Variants in DFFA observed in about 807,000 individuals in gnomAD.
The protein encoded by DFFA is DNA fragmentation factor subunit alpha.
A neutral mutation model predicts 28.0 loss-of-function variants in DFFA; 14 were observed. The ratio of observed to expected loss-of-function variants is 0.50; its 90% CI spans 0.33 to 0.78. DFFA has a LOEUF of 0.78. Ranked by LOEUF, DFFA falls within the 30% of genes least tolerant of loss-of-function variation. The probability of loss-of-function intolerance (pLI) is 0.02; values close to 1 mark genes in which losing one functional copy is unlikely to be tolerated. For synonymous variants in DFFA, 158 were observed against 170.3 expected, an observed-to-expected ratio of 0.93 and a Z score of 0.56; for missense variants, 395 against 407.1, an observed-to-expected ratio of 0.97 and a Z score of 0.26.
Position 10,457,365 on chromosome 1 carries a change from T to A in DFFA, c.*4125A>T, listed in dbSNP as rs2781227. On this transcript the variant is annotated 3_prime_UTR_variant, in exon 6 of 6. Coordinates refer to ENST00000377038, the MANE Select transcript of DFFA (RefSeq NM_004401.3). The stretch of plus-strand genomic sequence containing the variant: ...TCTTGCTATGTTCCCCAGGTCGGTC[T>A]GTCGGTCATGTGGTACTTCATTTAG... The A allele has an allele frequency of 0.43, 65,255 of 152,140 alleles. 15,181 individuals carry two copies. Among genetic ancestry groups the A allele is most frequent in the Non-Finnish European group, 0.53 (35,901 of 68,092 alleles). The allele number at this position is 152,140 out of a possible 1,614,324, so 9.4% of individuals were successfully genotyped here. A position where few individuals can be genotyped will look rare whatever the true frequency, so the allele number is the denominator to read the frequency against.
intron 2 of DFFA, 121 bp downstream of exon 2, chr1:10,469,056 T>C (rs749846738): frequency 9.1e-7 from 1 of 1,096,844 alleles, no homozygotes; most frequent in Non-Finnish European, 1.3e-6. Flanking sequence ...AAGTGCTCAG[T>C]AAATATCTGT....
In DFFA at chr1:10,472,219, T is replaced by A; in HGVS notation, c.136+104A>T. 7.2e-7 allele frequency: 1 copy of A among 1,390,428 alleles called. No homozygotes were observed. The highest frequency in any genetic ancestry group is 9.6e-7 in the Non-Finnish European group (1 of 1,042,994). The allele number at this position is 1,390,428 out of a possible 1,614,324, so 86.1% of individuals were successfully genotyped here. A position where few individuals can be genotyped will look rare whatever the true frequency, so the allele number is the denominator to read the frequency against. ...TTCTGTCCCAAGCCTCCACCCGAGA[T>A]ACAAGAATCCCCAAGTCGCCTCTCC... On this transcript the variant is annotated intron_variant, in intron 1 of 5. Transcript: ENST00000377038. The surrounding 1 kb of genome is among the most constrained non-coding windows in gnomAD (Gnocchi z 5.0).
rs1640915564 is a variant in DFFA, at chr1:10,460,618, C to G, written c.*872G>C. ...AATCTCGGCTCACTGCAACTTCTGC[C>G]TCCCCGGTTCAAGCAATTCTCCTGC... is the stretch of plus-strand genomic sequence containing the variant. On this transcript the variant is annotated 3_prime_UTR_variant, in exon 6 of 6. Transcript: ENST00000377038. The G allele has an allele frequency of 6.6e-6, 1 of 151,060 alleles. No homozygotes were observed. The highest frequency in any genetic ancestry group is 6.6e-5 in the Admixed American group (1 of 15,144). The allele number at this position is 151,060 out of a possible 1,614,324, so 9.4% of individuals were successfully genotyped here. A position where few individuals can be genotyped will look rare whatever the true frequency, so the allele number is the denominator to read the frequency against.
In DFFA at chr1:10,472,121, C is replaced by A. The variant is rs746428199; in HGVS notation, c.136+202G>T. 5.3e-5 allele frequency among the ~76,000 whole-genome samples: 8 copies of A among 152,188 alleles called. No individual in the cohort carries two copies. On this transcript the variant is annotated intron_variant, in intron 1 of 5. Transcript: ENST00000377038. The surrounding 1 kb of genome is among the most constrained non-coding windows in gnomAD (Gnocchi z 5.0). The stretch of plus-strand genomic sequence containing the variant: ...TGCTTCCTGGCTGTCTTCCCACCAC[C>A]GTGGAGTCTCACACGAGATTAATTA...
chr1:10,464,194 G>A (rs945285441), intron 3 of DFFA, among the ~76,000 whole-genome samples: 3 of 151,752 alleles, frequency 2.0e-5, no homozygotes, highest in South Asian at 2.1e-4. Flanking sequence ...CTGGGTTCAC[G>A]CCATTCTCCT....
chr1:10,464,155 C>T (rs1409688984), intron 3 of DFFA, among the ~76,000 whole-genome samples: 6 of 148,798 alleles, frequency 4.0e-5, no homozygotes, highest in Admixed American at 4.0e-4. Context: ...TGCAGTGGCA[C>T]GATCTCGGCT....
At position 10,470,602 on chromosome 1, in the gene DFFA, T is replaced by G. The variant is rs185694804; in HGVS notation, c.137-1264A>C. Among the ~76,000 whole-genome samples, 1,499 of 150,590 alleles carry G rather than the reference T, an allele frequency of 1.0e-2. 29 individuals are homozygous for G. The highest frequency in any genetic ancestry group is 0.035 in the African/African-American group (1,430 of 41,238). ...ACCACGCCCGGCTAATTTTTTTGTA[T>G]TTTTAGTAGAGACGGGGTTTCACCG... is the stretch of plus-strand genomic sequence containing the variant. On this transcript the variant is annotated intron_variant, in intron 1 of 5. Coordinates refer to ENST00000377038, the MANE Select transcript of DFFA (RefSeq NM_004401.3).
Position 10,463,051 on chromosome 1 carries a change from C to T in DFFA, c.783+7G>A, listed in dbSNP as rs772455668. ...TCTGTAGCTCAGTGACCCTGGTTTCCGCCCACCTCCAAATCCTGACTAGAT... is the reference window on the plus strand; with the variant it reads ...TCTGTAGCTCAGTGACCCTGGTTTCTGCCCACCTCCAAATCCTGACTAGAT... On this transcript the variant is annotated splice_region_variant and intron_variant, in intron 5 of 5. Coordinates refer to ENST00000377038, the MANE Select transcript of DFFA (RefSeq NM_004401.3). The T allele has an allele frequency of 4.6e-5, 75 of 1,613,944 alleles. No homozygotes were observed. The East Asian group carries it at 5.3e-4, about 12-fold the overall frequency.
At chr1:10,463,332 G>C (rs910772117) in intron 4 of DFFA, 99 bp downstream of exon 4, 68 of 1,544,198 alleles carry the variant, frequency 4.4e-5, no homozygotes, top group Admixed American at 7.2e-5. Context: ...AGCAGCCGCG[G>C]CTTCAGTGGC....
In DFFA at chr1:10,461,512, C is replaced by CT. The variant is rs773704670; in HGVS notation, c.973_974insA (p.Arg325GlnfsTer33). The CT allele has an allele frequency of 1.2e-6, 2 of 1,614,008 alleles. No individual in the cohort carries two copies. The highest frequency in any genetic ancestry group is 3.3e-5 in the Admixed American group (2 of 59,996). ...CTGCTATGTGGGATCCTGTCTGGCT[C>CT]GCTTAGGATTCTGCAGGTCACCAGG... On this transcript the variant is annotated frameshift_variant, in exon 6 of 6. Coordinates refer to ENST00000377038, the MANE Select transcript of DFFA (RefSeq NM_004401.3). LOFTEE classifies it high-confidence loss of function.
rs1407242612 is a variant in DFFA, at chr1:10,466,477, CTG to C, written c.441+711_441+712del. The stretch of plus-strand genomic sequence containing the variant: ...GTGCTGAGATTACAGGCGTGAGCCA[CTG>C]CACCTGGCCTATCCCAATCTTACTA... On this transcript the variant is annotated intron_variant, in intron 3 of 5. Transcript: ENST00000377038. Among the ~76,000 whole-genome samples, 3 of 152,128 alleles carry C rather than the reference CTG, an allele frequency of 2.0e-5. No homozygotes were observed. The East Asian group carries it at 5.9e-4, about 30-fold the overall frequency.
rs1004710722 is a variant in DFFA at position 10,456,911 on chromosome 1, C to G, written c.*4579G>C. The G allele has an allele frequency of 3.3e-5, 5 of 152,190 alleles. No individual in the cohort carries two copies. Among genetic ancestry groups the G allele is most frequent in the African/African-American group, 1.2e-4 (5 of 41,444 alleles). 9.4% of individuals were successfully genotyped at this position (152,190 alleles called of 1,614,324 possible). ...ATTGCTGCGCTCCTATGTGTCTATTCTACAAGGCTGGAGGCACAGTGGTTA... is the reference window on the plus strand; with the variant it reads ...ATTGCTGCGCTCCTATGTGTCTATTGTACAAGGCTGGAGGCACAGTGGTTA... On this transcript the variant is annotated 3_prime_UTR_variant, in exon 6 of 6. Transcript: ENST00000377038.
intron 5 of DFFA, chr1:10,462,329 G>A (rs916276552): frequency 4.0e-5 from 24 of 593,866 alleles, no homozygotes; most frequent in Admixed American, 1.9e-4. Context: ...ATGGGGTTTC[G>A]CCATGTTGGT....
chr1:10,468,066 G>C (rs918346538), intron 2 of DFFA, among the ~76,000 whole-genome samples: 40 of 151,980 alleles, frequency 2.6e-4, no homozygotes, highest in Admixed American at 1.8e-3. Context: ...TGAGCACAAA[G>C]GTGGCTGGTA....
intron 1 of DFFA, 118 bp from the exon 2 acceptor site, chr1:10,469,456 A>G: frequency 2.5e-6 from 2 of 805,050 alleles, no homozygotes; most frequent in East Asian, 5.4e-5. Context: ...GGTAATAACT[A>G]GAATCACAAT....
rs140221027 is a variant in DFFA, at chr1:10,461,636, T to C, written c.850A>G (p.Thr284Ala). ...TCCCGCTCACAGGCCTCCTGAACAGTCTCCGTCTTCTTTATGTCCCAGTTC... is the reference window on the plus strand; with the variant it reads ...TCCCGCTCACAGGCCTCCTGAACAGCCTCCGTCTTCTTTATGTCCCAGTTC... ...ALNWDIKKTE[T>A]VQEACERELA... Residue 284 changes from threonine (T) to alanine (A), a missense_variant, in exon 6 of 6, where the codon ACT becomes GCT. By Grantham distance (58) the Thr-to-Ala change is moderately conservative. Coordinates refer to ENST00000377038, the MANE Select transcript of DFFA (RefSeq NM_004401.3). 2.5e-6 allele frequency: 4 copies of C among 1,614,120 alleles called. No individual in the cohort carries two copies. The African/African-American group carries it at 4.0e-5, about 16-fold the overall frequency.
intron 5 of DFFA, 113 bp from the exon 6 acceptor site, chr1:10,461,815 T>G: frequency 6.7e-7 from 1 of 1,498,168 alleles, no homozygotes; most frequent in Non-Finnish European, 8.9e-7. Flanking sequence ...ATGTTACCTC[T>G]TTACACTGAA....
Position 10,460,693 on chromosome 1 carries a change from C to T in DFFA, c.*797G>A, listed in dbSNP as rs1640917211. ...TACAGGCTCCTGCCACCACGCCCAGCTAGTTTTTTGTACTTTTAGTAAAAA... is the reference window on the plus strand; with the variant it reads ...TACAGGCTCCTGCCACCACGCCCAGTTAGTTTTTTGTACTTTTAGTAAAAA... On this transcript the variant is annotated 3_prime_UTR_variant, in exon 6 of 6. Coordinates refer to ENST00000377038, the MANE Select transcript of DFFA (RefSeq NM_004401.3). The T allele has an allele frequency of 6.6e-6, 1 of 151,748 alleles. No homozygotes were observed. Among genetic ancestry groups the T allele is most frequent in the African/African-American group, 2.4e-5 (1 of 41,298 alleles). The allele number at this position is 151,748 out of a possible 1,614,324, so 9.4% of individuals were successfully genotyped here. A position where few individuals can be genotyped will look rare whatever the true frequency, so the allele number is the denominator to read the frequency against.
rs1184613105 is a variant in DFFA at position 10,459,751 on chromosome 1, G to A, written c.*1739C>T. On this transcript the variant is annotated 3_prime_UTR_variant, in exon 6 of 6. Transcript: ENST00000377038. The stretch of plus-strand genomic sequence containing the variant: ...TTTTAAAAAAAAAAAAAAAAAAGTA[G>A]GGTCTTACTCTATCATCCAGGCTGG... 6.6e-6 allele frequency: 1 copy of A among 150,996 alleles called. No homozygotes were observed. Among genetic ancestry groups the A allele is most frequent in the Non-Finnish European group, 1.5e-5 (1 of 67,852 alleles). 9.4% of individuals were successfully genotyped at this position (150,996 alleles called of 1,614,324 possible). A position where few individuals can be genotyped will look rare whatever the true frequency, so the allele number is the denominator to read the frequency against.
Sources: allele counts gnomAD v4.1 joint callset (sites outside exome capture counted in the v4.1 genomes callset), GRCh38; gene constraint gnomAD v4.1.1; non-coding constraint Gnocchi (gnomAD v3.1); transcripts MANE v1.5; gene names NCBI Gene and HGNC (gene_info 2026-07-23, HGNC 2026-07-21).